Variants in SNX15 observed in about 807,000 individuals in gnomAD.
The protein encoded by SNX15 is sorting nexin-15.
In SNX15, 29 loss-of-function variants were observed where a neutral mutation model predicts 35.2. The ratio of observed to expected loss-of-function variants is 0.82; its 90% CI spans 0.61 to 1.12. The LOEUF (loss-of-function observed/expected upper bound fraction) is 1.12. Ranked by LOEUF, SNX15 falls within the 50% of genes most tolerant of loss-of-function variation. The probability of loss-of-function intolerance (pLI) is 0.00; values close to 1 mark genes in which losing one functional copy is unlikely to be tolerated. For synonymous variants in SNX15, 189 were observed against 188.2 expected, an observed-to-expected ratio of 1.00 and a Z score of -0.03; for missense variants, 400 against 451.5, an observed-to-expected ratio of 0.89 and a Z score of 1.03.
intron 1 of SNX15, among the ~76,000 whole-genome samples, chr11:65,031,705 ACCAGCTTGG>A (rs1194914063): frequency 1.3e-5 from 2 of 152,186 alleles, no homozygotes; most frequent in Non-Finnish European, 2.9e-5. Flanking sequence ...TGAGTTCCAG[ACCAGCTTGG>A]CCAACATGGG....
At chr11:65,038,019 A>T (rs1488470141) in intron 6 of SNX15, 3 of 152,486 alleles carry the variant, frequency 2.0e-5, no homozygotes, top group Admixed American at 1.3e-4. Context: ...TGCAGGTAGG[A>T]TGTCCGACCC....
chr11:65,036,678 GT>G (rs1348732327), intron 6 of SNX15: 13 of 143,522 alleles, frequency 9.1e-5, no homozygotes, highest in Non-Finnish European at 9.2e-5. Context: ...CGCTTGGCCC[GT>G]TTTTTTTTTT....
Position 65,038,777 on chromosome 11 carries a change from T to C in SNX15, c.870T>C (p.Ala290=). The change falls in exon 7 of 8, where the codon GCT becomes GCC. Residue 290 remains alanine, a synonymous_variant. Coordinates refer to ENST00000377244, the MANE Select transcript of SNX15 (RefSeq NM_013306.5). ...ATGAGAAGGCAGGCGCTTACGCTGC[T>C]GCACTCCAGGGCTATCGAGACGGCG... ...LRDEKAGAYA[A]ALQGYRDGVH... 1.9e-6 allele frequency: 3 copies of C among 1,600,486 alleles called. No homozygotes were observed. Among genetic ancestry groups the C allele is most frequent in the Non-Finnish European group, 1.7e-6 (2 of 1,174,110 alleles).
In SNX15 at chr11:65,039,769, CA is replaced by C; in HGVS notation, c.1007del (p.His336ProfsTer61). On this transcript the variant is annotated frameshift_variant, in exon 8 of 8. Transcript: ENST00000377244. LOFTEE classifies it high-confidence loss of function. ...GCGGGCAGAGGAGATCCTGCGCCTGCACCTGTCTCAACTCCCACCCTAACAG... is the reference window on the plus strand; with the variant it reads ...GCGGGCAGAGGAGATCCTGCGCCTGCCCTGTCTCAACTCCCACCCTAACAG... ...LKRAEEILRL[H>X]LSQLPP The C allele has an allele frequency of 6.2e-7, 1 of 1,612,570 alleles. No homozygotes were observed. The highest frequency in any genetic ancestry group is 2.2e-5 in the East Asian group (1 of 44,848).
chr11:65,029,630 A>G (rs1294533144), intron 1 of SNX15, among the ~76,000 whole-genome samples: 1 of 151,038 alleles, frequency 6.6e-6, no homozygotes, highest in Non-Finnish European at 1.5e-5. Flanking sequence ...AGGCTGGAGT[A>G]CAGTGGTGTG....
chr11:65,030,638 A>G (rs1041684641), intron 1 of SNX15, among the ~76,000 whole-genome samples: 5 of 151,052 alleles, frequency 3.3e-5, no homozygotes, highest in Admixed American at 3.3e-4. Context: ...AGCTGGGACT[A>G]CAGGCACTTG....
intron 6 of SNX15, chr11:65,037,204 A>T (rs998835618): frequency 2.6e-5 from 4 of 151,564 alleles, no homozygotes; most frequent in African/African-American, 9.7e-5. Flanking sequence ...CTCCTTTTTA[A>T]TTTTTTTATT....
chr11:65,031,245 A>T (rs1055881764), intron 1 of SNX15, among the ~76,000 whole-genome samples: 1 of 152,154 alleles, frequency 6.6e-6, no homozygotes, highest in Non-Finnish European at 1.5e-5. Flanking sequence ...GCTGGCCTCA[A>T]ACTCCTGGAC....
intron 6 of SNX15, 60 bp downstream of exon 6, chr11:65,035,723 G>T: frequency 1.3e-6 from 2 of 1,537,158 alleles, no homozygotes; most frequent in Non-Finnish European, 1.8e-6. Flanking sequence ...ACAGGGAGGA[G>T]GGCAGAGCCC....
In SNX15 at chr11:65,038,645, G is replaced by A. The variant is rs560931247; in HGVS notation, c.738G>A (p.Gln246=). The change falls in exon 7 of 8, where the codon CAG becomes CAA. Residue 246 remains glutamine (Q), a synonymous_variant. Transcript: ENST00000377244. ...TMEVESARLD[Q]EPWEPGGQEE... is the part of the protein sequence containing the mutation. ...AGGTGGAGTCTGCAAGGCTGGACCA[G>A]GAACCCTGGGAGCCAGGAGGGCAGG... 9 of 1,612,882 alleles carry A rather than the reference G, an allele frequency of 5.6e-6. No homozygotes were observed. The South Asian group carries it at 7.7e-5, about 14-fold the overall frequency.
rs769192419 is a variant in SNX15 at position 65,038,585 on chromosome 11, C to CAGCCCCA, written c.679_685dup (p.Thr229LysfsTer7). ...TTCTAACTGCAGAAGGCGCAGCCCC[C>CAGCCCCA]AGCCCCACCCATGTGGCTGAGCTGG... is the stretch of plus-strand genomic sequence containing the variant. On this transcript the variant is annotated frameshift_variant, in exon 7 of 8. Transcript: ENST00000377244. LOFTEE classifies it high-confidence loss of function. The CAGCCCCA allele has an allele frequency of 6.4e-7, 1 of 1,561,550 alleles. No individual in the cohort carries two copies.
chr11:65,030,623 T>C (rs186185085), intron 1 of SNX15, among the ~76,000 whole-genome samples: 1,952 of 150,984 alleles, frequency 0.013, 38 homozygotes, highest in African/African-American at 0.044. Flanking sequence ...CTCAGCCTCC[T>C]GAGTAGCTGG....
At position 65,039,825 on chromosome 11, in the gene SNX15, C is replaced by T. The variant is rs1946559938; in HGVS notation, c.*33C>T. 7.1e-7 allele frequency: 1 copy of T among 1,415,162 alleles called. No homozygotes were observed. The allele number at this position is 1,415,162 out of a possible 1,614,324, so 87.7% of individuals were successfully genotyped here. On this transcript the variant is annotated 3_prime_UTR_variant, in exon 8 of 8. Transcript: ENST00000377244. Reference sequence around the variant, plus strand: ...TGGGCCATTCCCTGGGACTCTCGCTCCTGCACTGCCAGCCCCTTCTCCTCT... The same window carrying T: ...TGGGCCATTCCCTGGGACTCTCGCTTCTGCACTGCCAGCCCCTTCTCCTCT...
chr11:65,035,245 T>G (rs1590741120), intron 5 of SNX15, 39 bp downstream of exon 5: 1 of 1,512,434 alleles, frequency 6.6e-7, no homozygotes. Flanking sequence ...GGCTGGAGGG[T>G]GCAGAGTGGG....
At chr11:65,027,973 TTC>T (rs1946393981) in intron 1 of SNX15, among the ~76,000 whole-genome samples, 2 of 152,258 alleles carry the variant, frequency 1.3e-5, no homozygotes, top group South Asian at 4.1e-4. Context: ...TAGTACTCCA[TTC>T]TCGTAGAGTA....
rs1284349433 is a variant in SNX15 at position 65,035,225 on chromosome 11, A to G, written c.520+19A>G. The G allele has an allele frequency of 6.5e-7, 1 of 1,549,096 alleles. No homozygotes were observed. Among genetic ancestry groups the G allele is most frequent in the Non-Finnish European group, 8.7e-7 (1 of 1,153,050 alleles). ...GTGCCAGGTACATCGGGGTGGGAGG[A>G]GGGAACCAGGGCTGGAGGGTGCAGA... On this transcript the variant is annotated intron_variant, in intron 5 of 7. Transcript: ENST00000377244.
chr11:65,029,920 T>A (rs1466963770), intron 1 of SNX15, among the ~76,000 whole-genome samples: 1 of 152,106 alleles, frequency 6.6e-6, no homozygotes, highest in East Asian at 1.9e-4. Flanking sequence ...GGGGTCTTGC[T>A]CTGTCACCCA....
chr11:65,035,219 G>A lies in SNX15; in HGVS notation c.520+13G>A, dbSNP rs748352785. ...TTGGAGGTGCCAGGTACATCGGGGT[G>A]GGAGGAGGGAACCAGGGCTGGAGGG... On this transcript the variant is annotated intron_variant, in intron 5 of 7. Transcript: ENST00000377244. The A allele has an allele frequency of 1.3e-6, 2 of 1,558,832 alleles. No individual in the cohort carries two copies. Among genetic ancestry groups the A allele is most frequent in the Non-Finnish European group, 1.7e-6 (2 of 1,157,654 alleles).
At chr11:65,034,103 C>T (rs940263113) in intron 3 of SNX15, among the ~76,000 whole-genome samples, 36 of 152,248 alleles carry the variant, frequency 2.4e-4, no homozygotes, top group African/African-American at 8.7e-4. Flanking sequence ...GTAACTGGAC[C>T]AGAGTTAGCC....
Sources: allele counts gnomAD v4.1 joint callset (sites outside exome capture counted in the v4.1 genomes callset), GRCh38; gene constraint gnomAD v4.1.1; transcripts MANE v1.5; gene names NCBI Gene and HGNC (gene_info 2026-07-23, HGNC 2026-07-21).